The following DOP1B variants were observed in gnomAD, a reference collection of about 807,000 sequenced individuals.
The protein encoded by DOP1B is protein DOP1B.
A neutral mutation model predicts 233.5 loss-of-function variants in DOP1B; 174 were observed. That is an observed-to-expected ratio of 0.75 (90% CI 0.66 to 0.85). The LOEUF (loss-of-function observed/expected upper bound fraction) is 0.85. Ranked by LOEUF, DOP1B falls within the 40% of genes least tolerant of loss-of-function variation. The pLI, the probability that DOP1B is intolerant of heterozygous loss-of-function variation, is 0.00. For missense variants in DOP1B, 2,652 were observed against 2,846.6 expected (o/e 0.93, Z 1.56); for synonymous variants, 1,190 against 1,185.6 (o/e 1.00, Z -0.08).
intron 2 of DOP1B, among the ~76,000 whole-genome samples, chr21:36,186,282 G>T (rs1178726375): frequency 6.6e-6 from 1 of 152,156 alleles, no homozygotes; most frequent in African/African-American, 2.4e-5. Context: ...GGAGCAGCCT[G>T]TGTGGCTGAC....
chr21:36,249,555 C>T (rs774306589), intron 21 of DOP1B, among the ~76,000 whole-genome samples: 7 of 152,294 alleles, frequency 4.6e-5, no homozygotes, highest in Non-Finnish European at 5.9e-5. Context: ...CTGCTTTTAG[C>T]GGTGCCTGTC....
rs377583849 is a variant in DOP1B, at chr21:36,278,283, G to T, written c.5897G>T (p.Arg1966Leu). The change falls in exon 30 of 37, where the codon CGA becomes CTA. Residue 1966 changes from arginine (R) to leucine (L), a missense_variant. Physicochemically the swap from Arg to Leu is moderately radical, Grantham distance 102. Coordinates refer to ENST00000691173, the MANE Select transcript of DOP1B (RefSeq NM_001320714.2). ...CTGAGTGGCTATGCCTACACAAAGC[G>T]AGCCTGGAGGAAGGAGGTCCTGGAG... is the stretch of plus-strand genomic sequence containing the variant. ...SSLSGYAYTK[R>L]AWRKEVLELF... 31 of 1,613,948 alleles carry T rather than the reference G, an allele frequency of 1.9e-5. No homozygotes were observed. Among genetic ancestry groups the T allele is most frequent in the Non-Finnish European group, 2.4e-5 (28 of 1,180,038 alleles).
At chr21:36,196,331 C>T (rs762158659) in intron 2 of DOP1B, among the ~76,000 whole-genome samples, 8 of 152,292 alleles carry the variant, frequency 5.3e-5, no homozygotes, top group Non-Finnish European at 8.8e-5. Context: ...ATGTTTTCTG[C>T]GGGCTGGCTG....
chr21:36,181,882 C>T (rs2066102557), intron 2 of DOP1B, among the ~76,000 whole-genome samples: 1 of 152,200 alleles, frequency 6.6e-6, no homozygotes, highest in Non-Finnish European at 1.5e-5. Context: ...ACCCTGTGAC[C>T]TCCCTCTGTT....
intron 2 of DOP1B, among the ~76,000 whole-genome samples, chr21:36,174,392 G>A (rs2066002452): frequency 6.6e-6 from 1 of 152,178 alleles, no homozygotes; most frequent in Non-Finnish European, 1.5e-5. Flanking sequence ...GGAGACTGAG[G>A]CAAGAGAATT....
chr21:36,201,342 A>ATTTTTTTTTT (rs1187890925), intron 4 of DOP1B, among the ~76,000 whole-genome samples: 7 of 46,960 alleles, frequency 1.5e-4, no homozygotes, highest in African/African-American at 4.9e-4. Flanking sequence ...TATCTATTGG[A>ATTTTTTTTTT]TTCTTTTTTT....
At chr21:36,262,079 T>G (rs1298300866) in intron 24 of DOP1B, among the ~76,000 whole-genome samples, 1 of 152,146 alleles carries the variant, frequency 6.6e-6, no homozygotes, top group Non-Finnish European at 1.5e-5. Flanking sequence ...CACCACATTC[T>G]GAAGTTGCAG....
chr21:36,238,584 T>G lies in DOP1B; in HGVS notation c.2776-17T>G. 6.2e-7 allele frequency: 1 copy of G among 1,613,370 alleles called. No homozygotes were observed. The highest frequency in any genetic ancestry group is 8.5e-7 in the Non-Finnish European group (1 of 1,179,262). The stretch of plus-strand genomic sequence containing the variant: ...TACAAAACCAAGTTCCTCACTCCCA[T>G]GTATCTCCTCATCAAGGGAACAAGG... On this transcript the variant is annotated splice_polypyrimidine_tract_variant and intron_variant, in intron 16 of 36. Coordinates refer to ENST00000691173, the MANE Select transcript of DOP1B (RefSeq NM_001320714.2).
chr21:36,174,213 C>T (rs1226862279), intron 2 of DOP1B, among the ~76,000 whole-genome samples: 1 of 152,118 alleles, frequency 6.6e-6, no homozygotes, highest in South Asian at 2.1e-4. Flanking sequence ...AGAGGCCAGG[C>T]GTGGTGGCTC....
chr21:36,258,780 A>C (rs1482046140), intron 23 of DOP1B, among the ~76,000 whole-genome samples: 1 of 152,170 alleles, frequency 6.6e-6, no homozygotes, highest in African/African-American at 2.4e-5. Context: ...TAGGTTGGCA[A>C]AGAAGAGAGA....
intron 32 of DOP1B, among the ~76,000 whole-genome samples, chr21:36,284,631 A>G (rs1446724381): frequency 6.6e-6 from 1 of 152,004 alleles, no homozygotes; most frequent in Non-Finnish European, 1.5e-5. Flanking sequence ...CCAGATAGCT[A>G]AATAGACAGC....
At chr21:36,164,912 GA>G in intron 2 of DOP1B, 41 bp downstream of exon 2, 1 of 1,419,820 alleles carries the variant, frequency 7.0e-7, no homozygotes, top group African/African-American at 1.5e-5. Flanking sequence ...TGGAGGTGGG[GA>G]CGTAATTGTC....
chr21:36,230,539 G>A lies in DOP1B; in HGVS notation c.1755G>A (p.Lys585=). ...GDEDASFPPL[K]SEDSGIGLSA... is the part of the protein sequence containing the mutation. ...AAGATGCTTCGTTTCCCCCTCTGAA[G>A]TCTGAGGACAGTGGGATCGGGCTCA... Residue 585 remains lysine, a synonymous_variant, in exon 14 of 37, where the codon AAG becomes AAA. Transcript: ENST00000691173. 1 of 1,614,218 alleles carries A rather than the reference G, an allele frequency of 6.2e-7. No individual in the cohort carries two copies. Among genetic ancestry groups the A allele is most frequent in the Non-Finnish European group, 8.5e-7 (1 of 1,180,036 alleles).
At chr21:36,205,934 T>G (rs2066420772) in intron 4 of DOP1B, among the ~76,000 whole-genome samples, 1 of 151,882 alleles carries the variant, frequency 6.6e-6, no homozygotes, top group South Asian at 2.1e-4. Flanking sequence ...CACTTGAACC[T>G]GGGAGGCAGA....
chr21:36,225,904 T>C (rs1476472168), intron 12 of DOP1B, among the ~76,000 whole-genome samples: 1 of 152,236 alleles, frequency 6.6e-6, no homozygotes, highest in Non-Finnish European at 1.5e-5. Context: ...AAGCTGAAGT[T>C]AGGTCAACCA....
chr21:36,260,628 G>A (rs1363824038), intron 23 of DOP1B, 49 bp from the exon 24 acceptor site: 1 of 1,610,354 alleles, frequency 6.2e-7, no homozygotes, highest in Non-Finnish European at 8.5e-7. Flanking sequence ...AATTCTTTTA[G>A]CCTTATTTCC....
At chr21:36,249,020 G>A (rs186465608) in intron 21 of DOP1B, among the ~76,000 whole-genome samples, 15 of 151,990 alleles carry the variant, frequency 9.9e-5, no homozygotes, top group Admixed American at 3.3e-4. Flanking sequence ...CAGGAAAATC[G>A]CTGGAACCTG....
chr21:36,207,442 C>T (rs2066440180), intron 4 of DOP1B, among the ~76,000 whole-genome samples: 1 of 151,910 alleles, frequency 6.6e-6, no homozygotes, highest in African/African-American at 2.4e-5. Context: ...GCCTCAGCCT[C>T]CCCGAGTGCT....
At chr21:36,226,046 A>G (rs1278913902) in intron 12 of DOP1B, among the ~76,000 whole-genome samples, 3 of 152,168 alleles carry the variant, frequency 2.0e-5, no homozygotes. Context: ...AAACGTGCCA[A>G]TTTTATTTTT....
Sources: gnomAD v4.1 joint callset for allele counts (sites outside exome capture counted in the v4.1 genomes callset) on GRCh38, gnomAD v4.1.1 for gene constraint, MANE v1.5 for transcripts, NCBI Gene and HGNC (gene_info 2026-07-23, HGNC 2026-07-21) for gene names.